The following CNTNAP5 variants were observed in gnomAD, a reference collection of about 807,000 sequenced individuals.
CNTNAP5 encodes contactin-associated protein-like 5.
In CNTNAP5, 72 loss-of-function variants were observed where a neutral mutation model predicts 150.2. The ratio of observed to expected loss-of-function variants is 0.48; its 90% confidence interval spans 0.40 to 0.58. CNTNAP5 has a LOEUF of 0.58. CNTNAP5 is among the 20% of genes least tolerant of loss of function. CNTNAP5 has a pLI of 0.00. For synonymous variants in CNTNAP5, 672 were observed against 619.8 expected, an observed-to-expected ratio of 1.08 and a Z score of -1.25; for missense variants, 1,636 against 1,626.2, an observed-to-expected ratio of 1.01 and a Z score of -0.10.
intron 11 of CNTNAP5, among the ~76,000 whole-genome samples, chr2:124,567,882 T>G (rs201840411): frequency 7.3e-5 from 10 of 137,908 alleles, no homozygotes; most frequent in Admixed American, 1.4e-4. Context: ...GATAGATAGA[T>G]ATAGATAGAT....
chr2:124,870,739 C>T (rs1453476775), intron 21 of CNTNAP5, among the ~76,000 whole-genome samples: 1 of 152,068 alleles, frequency 6.6e-6, no homozygotes, highest in African/African-American at 2.4e-5. Context: ...AGTGTGGGTT[C>T]TTTTTGGGGT....
intron 10 of CNTNAP5, among the ~76,000 whole-genome samples, chr2:124,539,285 T>A (rs1471199181): frequency 6.6e-6 from 1 of 152,180 alleles, no homozygotes; most frequent in Non-Finnish European, 1.5e-5. Context: ...GCCTTGTGGG[T>A]TTGATTGTGA....
At chr2:124,443,675 G>C (rs192869639) in intron 5 of CNTNAP5, among the ~76,000 whole-genome samples, 1 of 152,108 alleles carries the variant, frequency 6.6e-6, no homozygotes, top group African/African-American at 2.4e-5. Flanking sequence ...TTTATCTTTT[G>C]AAGCAGGATA....
At chr2:124,312,850 G>A (rs1026676898) in intron 3 of CNTNAP5, among the ~76,000 whole-genome samples, 8 of 152,164 alleles carry the variant, frequency 5.3e-5, no homozygotes, top group South Asian at 2.1e-4. Flanking sequence ...GATTACAGGC[G>A]TGAGCCACCA....
intron 1 of CNTNAP5, among the ~76,000 whole-genome samples, chr2:124,201,630 TCA>T (rs1299197178): frequency 1.3e-5 from 2 of 152,238 alleles, no homozygotes; most frequent in Non-Finnish European, 2.9e-5. Context: ...CTTGTGAGAA[TCA>T]CAGTATAGTT....
At chr2:124,159,566 T>C (rs1438017547) in intron 1 of CNTNAP5, among the ~76,000 whole-genome samples, 1 of 152,240 alleles carries the variant, frequency 6.6e-6, no homozygotes, top group Non-Finnish European at 1.5e-5. Context: ...ACCAACTGTG[T>C]GACCATGTTA....
At chr2:124,804,999 C>T (rs549117166) in intron 19 of CNTNAP5, among the ~76,000 whole-genome samples, 1 of 149,514 alleles carries the variant, frequency 6.7e-6, no homozygotes, top group South Asian at 2.1e-4. Context: ...TAATACTCCT[C>T]TTTGTATGAA....
At chr2:124,112,146 G>A (rs1223121697) in intron 1 of CNTNAP5, among the ~76,000 whole-genome samples, 2 of 152,168 alleles carry the variant, frequency 1.3e-5, no homozygotes, top group Non-Finnish European at 2.9e-5. Flanking sequence ...AATCTGGCTG[G>A]CTTTTTAAGT....
intron 22 of CNTNAP5, among the ~76,000 whole-genome samples, chr2:124,903,908 G>T (rs1280142935): frequency 6.6e-6 from 1 of 151,936 alleles, no homozygotes; most frequent in African/African-American, 2.4e-5. Flanking sequence ...ACAAAAATTA[G>T]CTGGCCGTGG....
chr2:124,159,994 A>G (rs936965930), intron 1 of CNTNAP5, among the ~76,000 whole-genome samples: 1 of 152,194 alleles, frequency 6.6e-6, no homozygotes, highest in Non-Finnish European at 1.5e-5. Flanking sequence ...CCTTACACAT[A>G]GCCTATGACA....
At chr2:124,234,004 C>T (rs1473234744) in intron 2 of CNTNAP5, among the ~76,000 whole-genome samples, 5 of 152,062 alleles carry the variant, frequency 3.3e-5, no homozygotes, top group African/African-American at 4.8e-5. Flanking sequence ...AAAGTATATA[C>T]TGCTCATGAG....
At chr2:124,910,195 C>T (rs773861414) in intron 22 of CNTNAP5, among the ~76,000 whole-genome samples, 4 of 152,000 alleles carry the variant, frequency 2.6e-5, no homozygotes, top group Non-Finnish European at 4.4e-5. Flanking sequence ...TGTGTCTCCA[C>T]ATGGCTGTGT....
At chr2:124,105,757 A>G (rs998052342) in intron 1 of CNTNAP5, among the ~76,000 whole-genome samples, 11 of 151,964 alleles carry the variant, frequency 7.2e-5, no homozygotes, top group Non-Finnish European at 1.6e-4. Context: ...AGTAGAATAA[A>G]TGGATTTTCT....
chr2:124,830,744 C>T (rs1216898872), intron 19 of CNTNAP5, among the ~76,000 whole-genome samples: 2 of 151,888 alleles, frequency 1.3e-5, no homozygotes, highest in African/African-American at 4.8e-5. Flanking sequence ...ACATTTCAGC[C>T]TCAGGTCACA....
chr2:124,362,017 C>T (rs893687691), intron 3 of CNTNAP5, among the ~76,000 whole-genome samples: 3 of 152,190 alleles, frequency 2.0e-5, no homozygotes, highest in Admixed American at 6.5e-5. Context: ...TGTGGTGCGC[C>T]GTTTTTTAAG....
chr2:124,234,933 T>C (rs530305065), intron 2 of CNTNAP5, among the ~76,000 whole-genome samples: 2 of 152,268 alleles, frequency 1.3e-5, no homozygotes, highest in South Asian at 4.1e-4. Context: ...CTCATATGCC[T>C]CAGACTTCAC....
intron 6 of CNTNAP5, among the ~76,000 whole-genome samples, chr2:124,449,349 A>T (rs6541952): frequency 1.8e-4 from 28 of 152,064 alleles, no homozygotes; most frequent in African/African-American, 6.8e-4. Context: ...TTATAAACTC[A>T]AAGACAACAA....
At chr2:124,553,629 A>T (rs12995531) in intron 10 of CNTNAP5, among the ~76,000 whole-genome samples, 2 of 152,106 alleles carry the variant, frequency 1.3e-5, no homozygotes, top group Non-Finnish European at 2.9e-5. Context: ...ATTAAGAAAA[A>T]TAAAATCCAG....
At chr2:124,057,695 A>G (rs930642181) in intron 1 of CNTNAP5, among the ~76,000 whole-genome samples, 2 of 151,868 alleles carry the variant, frequency 1.3e-5, no homozygotes, top group African/African-American at 2.4e-5. Flanking sequence ...AATCCAATCT[A>G]CAAATTACTT....
Sources: gnomAD v4.1 joint callset for allele counts (sites outside exome capture counted in the v4.1 genomes callset) on GRCh38, gnomAD v4.1.1 for gene constraint, MANE v1.5 for transcripts, NCBI Gene and HGNC (gene_info 2026-07-23, HGNC 2026-07-21) for gene names.